Variants in MEF2C observed in about 807,000 individuals in gnomAD.
MEF2C encodes the protein myocyte enhancer factor 2C.
MEF2C carries 6 observed loss-of-function variants against 50.5 expected under a neutral mutation model. The ratio of observed to expected loss-of-function variants is 0.12; its 90% CI spans 0.07 to 0.23. The LOEUF (loss-of-function observed/expected upper bound fraction) is 0.23, where lower values mean the gene tolerates loss of function less well. MEF2C is among the 10% of genes least tolerant of loss of function. MEF2C has a pLI of 1.00. For missense variants in MEF2C, 276 were observed against 605.0 expected (o/e 0.46, Z 5.70); for synonymous variants, 183 against 228.0 (o/e 0.80, Z 1.78).
At chr5:88,879,810 C>G (rs1257870669) in intron 1 of MEF2C, among the ~76,000 whole-genome samples, 1 of 152,126 alleles carries the variant, frequency 6.6e-6, no homozygotes, top group African/African-American at 2.4e-5. Context: ...AATGATGAAG[C>G]AACAGGGTCA....
intron 1 of MEF2C, among the ~76,000 whole-genome samples, chr5:88,873,595 C>A (rs1830171972): frequency 6.6e-6 from 1 of 151,538 alleles, no homozygotes. Flanking sequence ...CAAGATCAAA[C>A]AGTCTTGGAA....
intron 5 of MEF2C, chr5:88,751,416 TA>T (rs781152970): frequency 6.8e-5 from 67 of 982,762 alleles, no homozygotes; most frequent in African/African-American, 3.9e-4. Flanking sequence ...ACTGTATAAA[TA>T]AAAAAAAATT....
At chr5:88,823,093 C>T (rs949480975) in intron 2 of MEF2C, among the ~76,000 whole-genome samples, 4 of 151,950 alleles carry the variant, frequency 2.6e-5, no homozygotes, top group African/African-American at 9.7e-5. Flanking sequence ...TTGTATCACA[C>T]AGACATTATC....
Position 88,757,504 on chromosome 5 carries a change from T to C in MEF2C, c.402+3681A>G, listed in dbSNP as rs571361155. ...TCAAGGCTGCCTGACAAGTCTATCA[T>C]GGACTTGTTCATTCCCTCTCCAACT... On this transcript the variant is annotated intron_variant, in intron 4 of 10. Transcript: ENST00000504921. Among the ~76,000 whole-genome samples, 150 of 152,320 alleles carry C rather than the reference T, an allele frequency of 9.8e-4. 1 individual carries two copies. Among genetic ancestry groups the C allele is most frequent in the Non-Finnish European group, 1.3e-3 (91 of 68,040 alleles).
At chr5:88,882,059 T>C (rs577117201) in intron 1 of MEF2C, among the ~76,000 whole-genome samples, 2 of 152,308 alleles carry the variant, frequency 1.3e-5, no homozygotes, top group African/African-American at 4.8e-5. Flanking sequence ...GATTCAGATA[T>C]AAAATTTCCT....
chr5:88,750,029 CAA>C (rs939899971), intron 5 of MEF2C: 147 of 286,038 alleles, frequency 5.1e-4, no homozygotes, highest in South Asian at 7.3e-4. Context: ...GACTCCGTCT[CAA>C]AAAAAAAAAA....
At chr5:88,725,410 T>G (rs1758245727) in intron 10 of MEF2C, among the ~76,000 whole-genome samples, 1 of 152,130 alleles carries the variant, frequency 6.6e-6, no homozygotes, top group Admixed American at 6.5e-5. Flanking sequence ...AACAAAGAAG[T>G]ATTTTCTTGA....
chr5:88,722,733 G>T lies in MEF2C; in HGVS notation c.1293C>A (p.Tyr431Ter). ...VDSLSSCSSS[Y>*]DGSDREDHRN... is the part of the protein sequence containing the mutation. ...GGTGATCCTCTCGGTCGCTCCCGTC[G>T]TACGAACTGCTACAGCTGCTCAAGC... The change falls in exon 11 of 11, where the codon TAC (tyrosine) becomes TAA (stop). Residue 431 changes from tyrosine to a stop codon, truncating the protein, a stop_gained. Transcript: ENST00000504921. LOFTEE classifies it high-confidence loss of function. 6.2e-7 allele frequency: 1 copy of T among 1,613,970 alleles called. No homozygotes were observed.
intron 6 of MEF2C, chr5:88,738,158 G>C: frequency 1.0e-6 from 1 of 985,318 alleles, no homozygotes; most frequent in African/African-American, 1.7e-5. Context: ...CAACCCTACA[G>C]AGCCTTAGTT....
intron 10 of MEF2C, among the ~76,000 whole-genome samples, chr5:88,724,389 G>C (rs1247202668): frequency 1.3e-5 from 2 of 152,084 alleles, no homozygotes; most frequent in African/African-American, 4.8e-5. Flanking sequence ...GTGATGTTTT[G>C]TACAAAAGCA....
At chr5:88,876,573 C>G (rs1008493903) in intron 1 of MEF2C, among the ~76,000 whole-genome samples, 2 of 151,852 alleles carry the variant, frequency 1.3e-5, no homozygotes, top group Non-Finnish European at 2.9e-5. Flanking sequence ...ATTTCTTTGT[C>G]TGTCTCAACA....
chr5:88,777,662 G>A (rs952416305), intron 3 of MEF2C, among the ~76,000 whole-genome samples: 8 of 152,066 alleles, frequency 5.3e-5, no homozygotes, highest in Non-Finnish European at 1.2e-4. Flanking sequence ...TTTTCATAAA[G>A]GGATGTGTTT....
chr5:88,882,288 G>T (rs891104757), intron 1 of MEF2C, among the ~76,000 whole-genome samples: 1 of 152,168 alleles, frequency 6.6e-6, no homozygotes, highest in Admixed American at 6.5e-5. Flanking sequence ...CTATGTATTT[G>T]ACTTGACCTG....
intron 2 of MEF2C, among the ~76,000 whole-genome samples, chr5:88,814,109 G>C (rs1027650561): frequency 7.2e-5 from 11 of 152,120 alleles, no homozygotes; most frequent in African/African-American, 2.7e-4. Context: ...GGAGTCAAGA[G>C]TCTGCAACGA....
At chr5:88,880,498 C>A (rs927960724) in intron 1 of MEF2C, among the ~76,000 whole-genome samples, 12 of 151,888 alleles carry the variant, frequency 7.9e-5, no homozygotes, top group South Asian at 2.1e-4. Flanking sequence ...AATAAAACCA[C>A]AAAATATACT....
intron 2 of MEF2C, among the ~76,000 whole-genome samples, chr5:88,816,435 T>TAA (rs2153175527): frequency 6.6e-6 from 1 of 151,070 alleles, no homozygotes; most frequent in African/African-American, 2.4e-5. Flanking sequence ...CCACAGCTGT[T>TAA]AAACATACAT....
At chr5:88,749,793 G>A (rs1338976151) in intron 5 of MEF2C, among the ~76,000 whole-genome samples, 2 of 152,172 alleles carry the variant, frequency 1.3e-5, no homozygotes, top group Non-Finnish European at 2.9e-5. Context: ...CACTTTGGGA[G>A]GCCCAGGTGG....
chr5:88,742,807 G>A (rs1174029498), intron 6 of MEF2C: 1 of 985,034 alleles, frequency 1.0e-6, no homozygotes, highest in Non-Finnish European at 1.2e-6. Context: ...AATTTGCTTG[G>A]TTTTGTATAT....
intron 1 of MEF2C, among the ~76,000 whole-genome samples, chr5:88,868,646 AAGAG>A (rs964515537): frequency 7.2e-5 from 11 of 152,224 alleles, no homozygotes; most frequent in South Asian, 2.1e-4. Flanking sequence ...CTTTAAGGAG[AAGAG>A]AGAGAGGCTA....
Sources: gnomAD v4.1 joint callset for allele counts (sites outside exome capture counted in the v4.1 genomes callset) on GRCh38, gnomAD v4.1.1 for gene constraint, MANE v1.5 for transcripts, NCBI Gene and HGNC (gene_info 2026-07-23, HGNC 2026-07-21) for gene names.